Variants in NOX4 observed in about 807,000 individuals in gnomAD.
NOX4 encodes the protein NADPH oxidase 4.
A neutral mutation model predicts 87.6 loss-of-function variants in NOX4; 69 were observed. That is an observed-to-expected ratio of 0.79 (90% CI 0.65 to 0.96). The LOEUF is 0.96. Ranked by LOEUF, NOX4 falls within the 40% of genes least tolerant of loss-of-function variation. NOX4 has a pLI of 0.00. For synonymous variants in NOX4, 275 were observed against 238.2 expected (o/e 1.15, Z -1.42); for missense variants, 680 against 681.5 (o/e 1.00, Z 0.02).
chr11:89,442,296 G>A (rs190361870), intron 5 of NOX4, among the ~76,000 whole-genome samples: 26 of 151,906 alleles, frequency 1.7e-4, no homozygotes, highest in African/African-American at 6.3e-4. Flanking sequence ...TCTAATATTA[G>A]TTAGAAGTGT....
At chr11:89,406,498 C>CT (rs1942192653) in intron 8 of NOX4, among the ~76,000 whole-genome samples, 1 of 152,114 alleles carries the variant, frequency 6.6e-6, no homozygotes, top group Non-Finnish European at 1.5e-5. Flanking sequence ...CACACCGCCA[C>CT]TGTGATATAC....
the NOX4 span, among the ~76,000 whole-genome samples, chr11:89,539,824 C>T: frequency 1.3e-5 from 2 of 152,284 alleles, no homozygotes; most frequent in African/African-American, 4.8e-5. Flanking sequence ...ACAAGGGGAG[C>T]AGTCATGTAC....
chr11:89,388,036 T>C (rs1940837663), intron 11 of NOX4, among the ~76,000 whole-genome samples: 1 of 152,176 alleles, frequency 6.6e-6, no homozygotes. Flanking sequence ...ACTTCAACAG[T>C]CTATGCTTTA....
the NOX4 span, among the ~76,000 whole-genome samples, chr11:89,515,255 C>G: frequency 8.5e-5 from 13 of 152,084 alleles, no homozygotes; most frequent in Admixed American, 8.5e-4. Context: ...TCCATTTGCT[C>G]TACAACCTTG....
intron 2 of NOX4, among the ~76,000 whole-genome samples, chr11:89,461,164 G>T (rs967460860): frequency 5.3e-5 from 8 of 151,938 alleles, no homozygotes; most frequent in Admixed American, 3.9e-4. Context: ...GTTGTGGGGT[G>T]GGGGGAGCCG....
At chr11:89,501,022 A>G (rs937152769), upstream of NOX4, among the ~76,000 whole-genome samples, 2 of 152,050 alleles carry the variant, frequency 1.3e-5, no homozygotes, top group Non-Finnish European at 2.9e-5. Flanking sequence ...GCCATTACAA[A>G]ACATATGCCA....
chr11:89,460,973 C>A (rs1310494502), intron 2 of NOX4, among the ~76,000 whole-genome samples: 1 of 152,164 alleles, frequency 6.6e-6, no homozygotes, highest in Non-Finnish European at 1.5e-5. Flanking sequence ...GAATACTATG[C>A]AGCCATAAAA....
intron 15 of NOX4, among the ~76,000 whole-genome samples, 198 bp from the exon 16 acceptor site, chr11:89,337,713 T>C (rs1481401725): frequency 6.6e-6 from 1 of 152,062 alleles, no homozygotes; most frequent in Non-Finnish European, 1.5e-5. Context: ...ATCTGGCCTC[T>C]TGGTATTAAT....
At chr11:89,367,528 CTTATTTAT>C (rs568842670) in intron 12 of NOX4, among the ~76,000 whole-genome samples, 9 of 151,962 alleles carry the variant, frequency 5.9e-5, no homozygotes, top group African/African-American at 2.2e-4. Flanking sequence ...ATTGCTCAGT[CTTATTTAT>C]TTATTTATTT....
chr11:89,576,162 T>C, the NOX4 span, among the ~76,000 whole-genome samples: 2 of 152,228 alleles, frequency 1.3e-5, no homozygotes, highest in African/African-American at 4.8e-5. Context: ...TGTACAACTT[T>C]AAAACTGCTT....
At chr11:89,372,909 C>T (rs925745282) in intron 12 of NOX4, among the ~76,000 whole-genome samples, 1 of 151,856 alleles carries the variant, frequency 6.6e-6, no homozygotes, top group Admixed American at 6.6e-5. Context: ...TACTACAATG[C>T]ATCTCTCAGG....
At chr11:89,365,455 GA>G (rs11337701) in intron 12 of NOX4, among the ~76,000 whole-genome samples, 62,599 of 147,270 alleles carry the variant, frequency 0.43, 13,217 homozygotes, top group East Asian at 0.65. Flanking sequence ...AAGAGGGTGG[GA>G]AAAAAAAAAA....
chr11:89,568,801 A>G, the NOX4 span, among the ~76,000 whole-genome samples: 3 of 152,238 alleles, frequency 2.0e-5, no homozygotes, highest in African/African-American at 7.2e-5. Context: ...GCAGCATGGT[A>G]CAAGTATAAA....
At chr11:89,542,401 A>C in the NOX4 span, among the ~76,000 whole-genome samples, 4 of 152,174 alleles carry the variant, frequency 2.6e-5, no homozygotes, top group Admixed American at 2.6e-4. Context: ...ATTTACTATA[A>C]CCTACTTAGA....
chr11:89,385,366 A>T (rs1431894928), intron 11 of NOX4, among the ~76,000 whole-genome samples: 2 of 152,150 alleles, frequency 1.3e-5, no homozygotes, highest in Non-Finnish European at 2.9e-5. Context: ...TAAGGTAGCT[A>T]AAAAAGCAGC....
intron 2 of NOX4, among the ~76,000 whole-genome samples, chr11:89,473,455 C>T (rs1946030969): frequency 6.9e-6 from 1 of 145,384 alleles, no homozygotes. Context: ...TACTGGTGGC[C>T]TGAATAAACA....
chr11:89,518,379 G>T, the NOX4 span, among the ~76,000 whole-genome samples: 1 of 151,300 alleles, frequency 6.6e-6, no homozygotes, highest in Non-Finnish European at 1.5e-5. Flanking sequence ...GTCTTGGGGG[G>T]GGGACAAAGA....
upstream of NOX4, among the ~76,000 whole-genome samples, chr11:89,498,476 G>A (rs1028573838): frequency 2.0e-5 from 3 of 152,170 alleles, no homozygotes; most frequent in Admixed American, 1.3e-4. Flanking sequence ...CTTGTTCACC[G>A]AAGTATGTTG....
the NOX4 span, among the ~76,000 whole-genome samples, chr11:89,574,803 G>A: frequency 2.6e-5 from 4 of 152,216 alleles, no homozygotes; most frequent in African/African-American, 9.6e-5. Flanking sequence ...ATTTAGAGAT[G>A]AATCTGGATG....
Sources: allele counts gnomAD v4.1 joint callset (sites outside exome capture counted in the v4.1 genomes callset), GRCh38; gene constraint gnomAD v4.1.1; transcripts MANE v1.5; gene names NCBI Gene and HGNC (gene_info 2026-07-23, HGNC 2026-07-21).